The following ZNF177 variants were observed in gnomAD, a reference collection of about 807,000 sequenced individuals.
ZNF177 encodes the protein zinc finger protein 177.
A neutral mutation model predicts 19.4 loss-of-function variants in ZNF177; 17 were observed. That is an observed-to-expected ratio of 0.87 (90% CI 0.60 to 1.31). The LOEUF (loss-of-function observed/expected upper bound fraction) is 1.31, where lower values mean the gene tolerates loss of function less well. ZNF177 is among the 40% of genes most tolerant of loss of function. ZNF177 has a pLI of 0.00. For synonymous variants in ZNF177, 220 were observed against 188.7 expected, an observed-to-expected ratio of 1.17 and a Z score of -1.36; for missense variants, 633 against 561.8, an observed-to-expected ratio of 1.13 and a Z score of -1.28.
chr19:9,367,959 A>T (rs2068001812), intron 2 of ZNF177, among the ~76,000 whole-genome samples: 1 of 152,234 alleles, frequency 6.6e-6, no homozygotes, highest in East Asian at 1.9e-4. Flanking sequence ...GACAAATTAC[A>T]TTGAAGTGTA....
Position 9,380,893 on chromosome 19 carries a change from G to A in ZNF177, c.562G>A (p.Glu188Lys), listed in dbSNP as rs553051647. ...TGATTGTAGAAAAGCTTTCAATCAA[G>A]AGTCATCCCTCAGGAAACACTTAAG... Residue 188 changes from glutamate (E) to lysine (K), a missense_variant, in exon 6 of 6, where the codon GAG becomes AAG. Glu to Lys is a moderately conservative substitution (Grantham distance 56). Coordinates refer to ENST00000589262, the Ensembl canonical transcript of ZNF177. 109 of 1,536,094 alleles carry A rather than the reference G, an allele frequency of 7.1e-5. No homozygotes were observed. The African/African-American group carries it at 1.3e-3, about 18-fold the overall frequency.
exon 6 of ZNF177, chr19:9,380,843 T>G: frequency 6.5e-7 from 1 of 1,536,130 alleles, no homozygotes; most frequent in Non-Finnish European, 8.7e-7. Flanking sequence ...AGCATTCACA[T>G]TGGAGAGAAA....
rs528404347 is a variant in ZNF177, at chr19:9,382,027, G to T, written c.*250G>T. 6 of 546,662 alleles carry T rather than the reference G, an allele frequency of 1.1e-5. No homozygotes were observed. In the South Asian group the frequency reaches 2.2e-4, roughly 20 times the overall value. The allele number at this position is 546,662 out of a possible 1,614,324, so 33.9% of individuals were successfully genotyped here. ...GTTATCTTTTCAGTTTAATTGCATTGTGAACAGAACACATGGTCTTCAATA... is the reference window on the plus strand; with the variant it reads ...GTTATCTTTTCAGTTTAATTGCATTTTGAACAGAACACATGGTCTTCAATA... On this transcript the variant is annotated 3_prime_UTR_variant, in exon 6 of 6. Transcript: ENST00000589262.
chr19:9,378,206 G>A (rs2068139267), intron 1 of ZNF177, 53 bp from the exon 4 acceptor site: 5 of 1,508,176 alleles, frequency 3.3e-6, no homozygotes, highest in Admixed American at 2.4e-5. Context: ...CAGCCTGCTA[G>A]TGTTGAACAT....
At chr19:9,380,522 A>T in intron 5 of ZNF177, 146 bp from the exon 8 acceptor site, 1 of 1,494,530 alleles carries the variant, frequency 6.7e-7, no homozygotes, top group Non-Finnish European at 9.0e-7. Context: ...ATAGGGCAAA[A>T]GTCATACGCA....
At position 9,380,995 on chromosome 19, in the gene ZNF177, C is replaced by T. The variant is rs563574514; in HGVS notation, c.664C>T (p.Arg222Cys). Residue 222 changes from arginine (R) to cysteine (C), a missense_variant, in exon 6 of 6, where the codon CGT becomes TGT. Arg to Cys is a radical substitution (Grantham distance 180). Coordinates refer to ENST00000589262, the Ensembl canonical transcript of ZNF177. Reference sequence around the variant, plus strand: ...CAGCCTACACTCTTCCTGCTCAGTACGTGAGCAAATACCTACTGGAGAGAA... The same window carrying T: ...CAGCCTACACTCTTCCTGCTCAGTATGTGAGCAAATACCTACTGGAGAGAA... 132 of 1,564,924 alleles carry T rather than the reference C, an allele frequency of 8.4e-5. No homozygotes were observed. Among genetic ancestry groups the T allele is most frequent in the Non-Finnish European group, 1.1e-4 (123 of 1,161,684 alleles).
At chr19:9,367,680 A>T (rs1199580479) in intron 2 of ZNF177, among the ~76,000 whole-genome samples, 1 of 152,118 alleles carries the variant, frequency 6.6e-6, no homozygotes, top group Non-Finnish European at 1.5e-5. Flanking sequence ...AATCTCAAAG[A>T]ATATTCTTCC....
upstream of ZNF177, among the ~76,000 whole-genome samples, chr19:9,373,798 G>A (rs916224186): frequency 6.6e-6 from 1 of 150,474 alleles, no homozygotes; most frequent in Non-Finnish European, 1.5e-5. Flanking sequence ...TTTTTCTATC[G>A]AACTGTATGT....
Position 9,379,101 on chromosome 19 carries a change from T to C in ZNF177, c.160+13T>C. 1 of 1,587,500 alleles carries C rather than the reference T, an allele frequency of 6.3e-7. No homozygotes were observed. Among genetic ancestry groups the C allele is most frequent in the Non-Finnish European group, 8.6e-7 (1 of 1,165,954 alleles). ...CTGGCCTCAGTAGGTAAGGCTGGCC[T>C]CATTTCTTCATTTGTTTATGTAGCA... On this transcript the variant is annotated intron_variant, in intron 3 of 5. Transcript: ENST00000589262.
chr19:9,379,995 C>T, intron 4 of ZNF177, 62 bp from the exon 7 acceptor site: 1 of 1,565,662 alleles, frequency 6.4e-7, no homozygotes, highest in Non-Finnish European at 8.6e-7. Flanking sequence ...GGGTCTCCCT[C>T]CCTTTTTCTT....
exon 6 of ZNF177, chr19:9,382,165 G>A (rs1599398329): frequency 2.5e-6 from 1 of 401,106 alleles, no homozygotes; most frequent in South Asian, 1.2e-4. Flanking sequence ...CTTTCTTAAA[G>A]TAATAAAATT....
upstream of ZNF177, among the ~76,000 whole-genome samples, chr19:9,373,684 CTAA>C (rs2068075504): frequency 6.6e-6 from 1 of 152,104 alleles, no homozygotes; most frequent in South Asian, 2.1e-4. Flanking sequence ...TGGTACGTCC[CTAA>C]TAATGTGATG....
chr19:9,380,785 A>C, exon 6 of ZNF177: 1 of 1,536,104 alleles, frequency 6.5e-7, no homozygotes, highest in Non-Finnish European at 8.7e-7. Context: ...TAAATATATA[A>C]AGTATAGCAA....
intron 4 of ZNF177, 65 bp downstream of exon 6, chr19:9,379,684 C>T: frequency 6.5e-7 from 1 of 1,539,740 alleles, no homozygotes; most frequent in East Asian, 2.3e-5. Flanking sequence ...GGGAATGTCA[C>T]TCAGTGAAGG....
upstream of ZNF177, among the ~76,000 whole-genome samples, chr19:9,373,936 G>T (rs1260229993): frequency 1.3e-5 from 2 of 150,848 alleles, no homozygotes; most frequent in Non-Finnish European, 3.0e-5. Flanking sequence ...ACTTATTTTT[G>T]CCTTTCTTGC....
Position 9,378,950 on chromosome 19 carries a change from GT to G in ZNF177, c.34-11del, listed in dbSNP as rs1473623505. 1 of 1,595,636 alleles carries G rather than the reference GT, an allele frequency of 6.3e-7. No homozygotes were observed. Among genetic ancestry groups the G allele is most frequent in the African/African-American group, 1.3e-5 (1 of 74,574 alleles). On this transcript the variant is annotated splice_polypyrimidine_tract_variant and intron_variant, in intron 2 of 5. Coordinates refer to ENST00000589262, the Ensembl canonical transcript of ZNF177. ...TCATTGGCTGAGCCAGAATATGTAT[GT>G]GATGTTTTAGAACTCAGTAACCTTC... is the stretch of plus-strand genomic sequence containing the variant.
chr19:9,381,444 T>C (rs1291210350), exon 6 of ZNF177: 1 of 1,611,418 alleles, frequency 6.2e-7, no homozygotes, highest in Non-Finnish European at 8.5e-7. Flanking sequence ...ATGAATGCAG[T>C]GACTGTGGAA....
rs2068204716 is a variant in ZNF177 at position 9,381,666 on chromosome 19, TCA to T, written c.1339_1340del (p.Thr447TrpfsTer6). 6.2e-7 allele frequency: 1 copy of T among 1,614,154 alleles called. No homozygotes were observed. Among genetic ancestry groups the T allele is most frequent in the Non-Finnish European group, 8.5e-7 (1 of 1,180,010 alleles). ...CTTGCCTGAGGGTACACGTGAGAAC[TCA>T]CACTGGAGAGAAGCCTTATAAATGT... On this transcript the variant is annotated frameshift_variant, in exon 6 of 6. Coordinates refer to ENST00000589262, the Ensembl canonical transcript of ZNF177. LOFTEE classifies it low-confidence loss of function (END_TRUNC).
intron 2 of ZNF177, 33 bp downstream of exon 4, chr19:9,378,377 C>T (rs766314652): frequency 1.9e-6 from 3 of 1,612,894 alleles, no homozygotes; most frequent in South Asian, 2.2e-5. Context: ...TCCAAAAGCA[C>T]ACTGCCATTC....
Sources: allele counts gnomAD v4.1 joint callset (sites outside exome capture counted in the v4.1 genomes callset), GRCh38; gene constraint gnomAD v4.1.1; transcripts MANE v1.5; gene names NCBI Gene and HGNC (gene_info 2026-07-23, HGNC 2026-07-21).